Variants in TUBA4A observed in about 807,000 individuals in gnomAD.
The protein encoded by TUBA4A is tubulin alpha 4a, also known as tubulin alpha-4A chain.
Under a neutral mutation model 34.3 loss-of-function variants are expected in TUBA4A, and 23 were observed. That is an observed-to-expected ratio of 0.67 (90% confidence interval 0.48 to 0.95). The LOEUF (loss-of-function observed/expected upper bound fraction) is 0.95. Among genes scored for constraint, TUBA4A ranks in the 40% least tolerant of loss-of-function variants. TUBA4A has a pLI of 0.00. For missense variants in TUBA4A, 279 were observed against 599.0 expected, an observed-to-expected ratio of 0.47 and a Z score of 5.58; for synonymous variants, 216 against 230.5, an observed-to-expected ratio of 0.94 and a Z score of 0.57.
In TUBA4A at chr2:219,251,898, G is replaced by A. The variant is rs971767054; in HGVS notation, c.226+110C>T. ...GCTTGCCTTCTGCAGCTTCAAGTACGGCTAGGAATTTTCAGGGCTAGGAAT... is the reference window on the plus strand; with the variant it reads ...GCTTGCCTTCTGCAGCTTCAAGTACAGCTAGGAATTTTCAGGGCTAGGAAT... On this transcript the variant is annotated intron_variant, in intron 2 of 3. Coordinates refer to ENST00000248437, the MANE Select transcript of TUBA4A (RefSeq NM_006000.3). This position sits in a 1 kb window ranked among gnomAD's most constrained non-coding sequence, Gnocchi z 6.1. 21 of 1,379,144 alleles carry A rather than the reference G, an allele frequency of 1.5e-5. No homozygotes were observed. Among genetic ancestry groups the A allele is most frequent in the South Asian group, 1.2e-4 (9 of 75,484 alleles). The allele number at this position is 1,379,144 out of a possible 1,614,324, so 85.4% of individuals were successfully genotyped here.
Position 219,251,129 on chromosome 2 carries a change from G to A in TUBA4A, c.570C>T (p.Thr190=), listed in dbSNP as rs1424672499. Residue 190 remains threonine, a synonymous_variant, in exon 4 of 4, where the codon ACC becomes ACT. Coordinates refer to ENST00000248437, the MANE Select transcript of TUBA4A (RefSeq NM_006000.3). This position sits in a 1 kb window ranked among gnomAD's most constrained non-coding sequence, Gnocchi z 6.1. ...CTGAGTGCTCCAGGGTGGTGTGGGT[G>A]GTCAGGATAGAGTTGTAGGGCTCGA... ...AVVEPYNSIL[T]THTTLEHSDC... 3 of 1,614,192 alleles carry A rather than the reference G, an allele frequency of 1.9e-6. No individual in the cohort carries two copies. The highest frequency in any genetic ancestry group is 2.5e-6 in the Non-Finnish European group (3 of 1,180,042).
chr2:219,254,512 G>T (rs1951700152), upstream of TUBA4A: 2 of 152,248 alleles, frequency 1.3e-5, no homozygotes, highest in South Asian at 4.1e-4. Flanking sequence ...TGCCTTAGGC[G>T]CTCCCGCAGA....
At position 219,250,574 on chromosome 2, in the gene TUBA4A, C is replaced by T. The variant is rs1176267126; in HGVS notation, c.1125G>A (p.Val375=). The T allele has an allele frequency of 1.2e-6, 2 of 1,614,232 alleles. No homozygotes were observed. Among genetic ancestry groups the T allele is most frequent in the East Asian group, 2.2e-5 (1 of 44,882 alleles). Residue 375 remains valine (V), a synonymous_variant, in exon 4 of 4, where the codon GTG becomes GTA. Coordinates refer to ENST00000248437, the MANE Select transcript of TUBA4A (RefSeq NM_006000.3). The surrounding 1 kb of genome is among the most constrained non-coding windows in gnomAD (Gnocchi z 8.4). ...TGGCGGTCGTGTTGCTCAGCATGCA[C>T]ACGGCACGCTGCACCTTGGCCAGGT... ...GGDLAKVQRA[V]CMLSNTTAIA... is the part of the protein sequence containing the mutation.
intron 1 of TUBA4A, chr2:219,253,200 C>T (rs1480759343): frequency 2.0e-6 from 3 of 1,497,690 alleles, no homozygotes; most frequent in East Asian, 2.5e-5. Context: ...TCTCTCCCCT[C>T]CCCCCAACCT....
intron 1 of TUBA4A, chr2:219,253,145 T>C: frequency 6.6e-7 from 1 of 1,519,594 alleles, no homozygotes; most frequent in South Asian, 1.2e-5. Flanking sequence ...GGATTGGGTT[T>C]CGGCCCCCGC....
chr2:219,253,923 G>C (rs1050726042), upstream of TUBA4A: 2 of 1,317,956 alleles, frequency 1.5e-6, no homozygotes, highest in Non-Finnish European at 9.8e-7. Flanking sequence ...AACTGCGCTA[G>C]CTGCAGTGCC....
Position 219,252,350 on chromosome 2 carries a change from G to C in TUBA4A, c.4-120C>G, listed in dbSNP as rs60500076. 1.3e-3 allele frequency: 1,323 copies of C among 1,005,454 alleles called. 15 individuals carry two copies. In the African/African-American group the frequency reaches 0.019, roughly 14 times the overall value. The allele number at this position is 1,005,454 out of a possible 1,614,324, so 62.3% of individuals were successfully genotyped here. ...ATGACTCAGTTGGCAAGAGTGGAGGGTTGGGGCTGGGCAGAGGTGAGAAGA... is the reference window on the plus strand; with the variant it reads ...ATGACTCAGTTGGCAAGAGTGGAGGCTTGGGGCTGGGCAGAGGTGAGAAGA... On this transcript the variant is annotated intron_variant, in intron 1 of 3. Coordinates refer to ENST00000248437, the MANE Select transcript of TUBA4A (RefSeq NM_006000.3). This position sits in a 1 kb window ranked among gnomAD's most constrained non-coding sequence, Gnocchi z 4.1.
At position 219,253,838 on chromosome 2, in the gene TUBA4A, C is replaced by A; in HGVS notation, c.3+18G>T. On this transcript the variant is annotated intron_variant, in intron 1 of 3. Transcript: ENST00000248437. The stretch of plus-strand genomic sequence containing the variant: ...GGCAATTAGGGGACAGGCGCGACCC[C>A]GGCCGGGCCGCACTCACCATGGTGA... The A allele has an allele frequency of 6.6e-7, 1 of 1,512,372 alleles. No individual in the cohort carries two copies. The highest frequency in any genetic ancestry group is 8.8e-7 in the Non-Finnish European group (1 of 1,133,918). The allele number at this position is 1,512,372 out of a possible 1,614,324, so 93.7% of individuals were successfully genotyped here.
Position 219,251,123 on chromosome 2 carries a change from G to A in TUBA4A, c.576C>T (p.His192=). 3 of 1,614,242 alleles carry A rather than the reference G, an allele frequency of 1.9e-6. No individual in the cohort carries two copies. Among genetic ancestry groups the A allele is most frequent in the Non-Finnish European group, 2.5e-6 (3 of 1,180,046 alleles). Residue 192 remains histidine (H), a synonymous_variant, in exon 4 of 4, where the codon CAC becomes CAT. Coordinates refer to ENST00000248437, the MANE Select transcript of TUBA4A (RefSeq NM_006000.3). This position sits in a 1 kb window ranked among gnomAD's most constrained non-coding sequence, Gnocchi z 6.1. ...VEPYNSILTT[H]TTLEHSDCAF... Reference sequence around the variant, plus strand: ...CACAGTCTGAGTGCTCCAGGGTGGTGTGGGTGGTCAGGATAGAGTTGTAGG... The same window carrying A: ...CACAGTCTGAGTGCTCCAGGGTGGTATGGGTGGTCAGGATAGAGTTGTAGG...
Position 219,251,330 on chromosome 2 carries a change from G to A in TUBA4A, c.376-7C>T. 6.3e-7 allele frequency: 1 copy of A among 1,593,770 alleles called. No homozygotes were observed. Among genetic ancestry groups the A allele is most frequent in the Non-Finnish European group, 8.6e-7 (1 of 1,168,202 alleles). The stretch of plus-strand genomic sequence containing the variant: ...GTCCTGTGCACTGGTCAGACTGAAA[G>A]GCAAGAACGAGAAAGAACAGTTTAG... On this transcript the variant is annotated splice_polypyrimidine_tract_variant and splice_region_variant and intron_variant, in intron 3 of 3. Transcript: ENST00000248437. The surrounding 1 kb of genome is among the most constrained non-coding windows in gnomAD (Gnocchi z 6.1).
upstream of TUBA4A, chr2:219,254,013 C>T: frequency 1.4e-6 from 1 of 734,262 alleles, no homozygotes; most frequent in Non-Finnish European, 2.0e-6. Context: ...CCGCAGGCCA[C>T]GCCTCCCGGG....
chr2:219,254,033 G>T (rs529736438), upstream of TUBA4A: 992 of 592,066 alleles, frequency 1.7e-3, 12 homozygotes, highest in African/African-American at 0.017. Context: ...GAGGGTAAGC[G>T]GCCCCCCCGA....
chr2:219,251,862 G>A lies in TUBA4A; in HGVS notation c.226+146C>T. The stretch of plus-strand genomic sequence containing the variant: ...AAACCCAGACCAGCTGCCCAGGCCA[G>A]TCTCAGATCAGCTTGCCTTCTGCAG... On this transcript the variant is annotated intron_variant, in intron 2 of 3. Transcript: ENST00000248437. This position sits in a 1 kb window ranked among gnomAD's most constrained non-coding sequence, Gnocchi z 6.1. 1 of 1,351,814 alleles carries A rather than the reference G, an allele frequency of 7.4e-7. No homozygotes were observed. The highest frequency in any genetic ancestry group is 1.4e-5 in the South Asian group (1 of 72,420). 83.7% of individuals were successfully genotyped at this position (1,351,814 alleles called of 1,614,324 possible). A position where few individuals can be genotyped will look rare whatever the true frequency, so the allele number is the denominator to read the frequency against.
intron 1 of TUBA4A, chr2:219,253,107 T>C (rs1456151205): frequency 6.9e-7 from 1 of 1,459,386 alleles, no homozygotes; most frequent in Non-Finnish European, 9.3e-7. Context: ...CTCTGGAGTC[T>C]TTACAGTTAT....
At chr2:219,254,544 G>T (rs1195095353), upstream of TUBA4A, 1 of 152,334 alleles carries the variant, frequency 6.6e-6, no homozygotes, top group African/African-American at 2.4e-5. Flanking sequence ...CAGCCTGTCT[G>T]CCGGGGCCGA....
At chr2:219,253,267 GCTT>G (rs1346432323) in intron 1 of TUBA4A, 6 of 1,493,674 alleles carry the variant, frequency 4.0e-6, no homozygotes, top group Non-Finnish European at 5.3e-6. Context: ...GCGCACCCGG[GCTT>G]CGGCTGGAGA....
intron 1 of TUBA4A, chr2:219,253,023 G>A (rs1328202329): frequency 2.9e-6 from 2 of 700,030 alleles, no homozygotes; most frequent in African/African-American, 3.6e-5. Context: ...CCTGCGGTGA[G>A]GCCCCAGAGG....
chr2:219,253,252 C>T, intron 1 of TUBA4A: 2 of 1,493,950 alleles, frequency 1.3e-6, no homozygotes, highest in Non-Finnish European at 1.8e-6. Flanking sequence ...TGTCTCTGCC[C>T]ATCCGCGCAC....
rs1453703123 is a variant in TUBA4A at position 219,250,096 on chromosome 2, A to G, written c.*256T>C. 1.3e-5 allele frequency: 7 copies of G among 520,800 alleles called. No homozygotes were observed. The highest frequency in any genetic ancestry group is 2.4e-5 in the Non-Finnish European group (7 of 293,544). 32.3% of individuals were successfully genotyped at this position (520,800 alleles called of 1,614,324 possible). ...GGATTTTGGTCCTCATTTCCTCCCT[A>G]TACTGAGTAACCCTAGGACTTCAAT... On this transcript the variant is annotated 3_prime_UTR_variant, in exon 4 of 4. Transcript: ENST00000248437. The surrounding 1 kb of genome is among the most constrained non-coding windows in gnomAD (Gnocchi z 8.4).
Sources: gnomAD v4.1 joint callset for allele counts on GRCh38, gnomAD v4.1.1 for gene constraint, Gnocchi (gnomAD v3.1) non-coding constraint, MANE v1.5 for transcripts, NCBI Gene and HGNC (gene_info 2026-07-23, HGNC 2026-07-21) for gene names.